The following GABRB2 variants were observed in gnomAD, a reference collection of about 807,000 sequenced individuals.
GABRB2 encodes gamma-aminobutyric acid receptor subunit beta-2.
In GABRB2, 16 loss-of-function variants were observed where a neutral mutation model predicts 54.7. The observed-to-expected ratio is 0.29, with a 90% CI of 0.20 to 0.44. The LOEUF (loss-of-function observed/expected upper bound fraction) is 0.44, where lower values mean the gene tolerates loss of function less well. Among genes scored for constraint, GABRB2 ranks in the 20% least tolerant of loss-of-function variants. The probability of loss-of-function intolerance (pLI) is 1.00; values close to 1 mark genes in which losing one functional copy is unlikely to be tolerated. For synonymous variants in GABRB2, 244 were observed against 233.8 expected (o/e 1.04, Z -0.40); for missense variants, 355 against 644.0 (o/e 0.55, Z 4.86).
intron 5 of GABRB2, among the ~76,000 whole-genome samples, chr5:161,384,021 G>T: frequency 6.6e-6 from 1 of 152,138 alleles, no homozygotes; most frequent in East Asian, 1.9e-4. Context: ...CCAAAGTGCT[G>T]GGATTACAGG....
At chr5:161,459,444 G>A (rs1224001364) in intron 4 of GABRB2, 180 bp downstream of exon 4, 23 of 617,854 alleles carry the variant, frequency 3.7e-5, no homozygotes, top group South Asian at 2.2e-4. Flanking sequence ...TCTTAGCTGA[G>A]GTTAAGTTCC....
chr5:161,359,440 G>GACACACACACAC (rs57251440), intron 5 of GABRB2, among the ~76,000 whole-genome samples: 1,872 of 147,780 alleles, frequency 0.013, 25 homozygotes, highest in African/African-American at 0.038. Context: ...AATTGCATCT[G>GACACACACACAC]ACACACACAC....
At chr5:161,408,713 G>T (rs1580960567) in intron 5 of GABRB2, among the ~76,000 whole-genome samples, 1 of 151,902 alleles carries the variant, frequency 6.6e-6, no homozygotes, top group East Asian at 1.9e-4. Context: ...AAAGAAGGGA[G>T]GGAAAAACAG....
At chr5:161,322,506 G>T (rs887527606) in intron 9 of GABRB2, among the ~76,000 whole-genome samples, 1 of 152,166 alleles carries the variant, frequency 6.6e-6, no homozygotes, top group Admixed American at 6.5e-5. Flanking sequence ...AAAGTGCTGG[G>T]ATCACAAGTG....
intron 3 of GABRB2, among the ~76,000 whole-genome samples, chr5:161,515,573 T>A (rs1759916482): frequency 6.6e-6 from 1 of 152,158 alleles, no homozygotes; most frequent in African/African-American, 2.4e-5. Context: ...TGGATTTAAT[T>A]TCCTTTAAAC....
intron 5 of GABRB2, among the ~76,000 whole-genome samples, chr5:161,396,941 AG>A (rs1480805758): frequency 6.6e-6 from 1 of 152,192 alleles, no homozygotes; most frequent in African/African-American, 2.4e-5. Context: ...TACCTGTCCA[AG>A]GGGCTGCCAT....
intron 4 of GABRB2, among the ~76,000 whole-genome samples, chr5:161,453,226 C>T (rs974184296): frequency 6.6e-6 from 1 of 152,312 alleles, no homozygotes; most frequent in East Asian, 1.9e-4. Context: ...CTAGCCATAT[C>T]TCTTGATGGA....
intron 9 of GABRB2, among the ~76,000 whole-genome samples, chr5:161,304,331 T>C (rs1757620047): frequency 6.6e-6 from 1 of 152,382 alleles, no homozygotes; most frequent in Non-Finnish European, 1.5e-5. Flanking sequence ...TTCCATTTAA[T>C]ATAGAATTAC....
At chr5:161,317,052 G>T (rs1758060951) in intron 9 of GABRB2, among the ~76,000 whole-genome samples, 1 of 152,108 alleles carries the variant, frequency 6.6e-6, no homozygotes. Context: ...GTTTGCATGT[G>T]TGTGGCAGGT....
At chr5:161,509,814 C>G (rs1759711749) in intron 3 of GABRB2, among the ~76,000 whole-genome samples, 1 of 151,972 alleles carries the variant, frequency 6.6e-6, no homozygotes, top group Admixed American at 6.6e-5. Flanking sequence ...GGAAAGGCCA[C>G]TATCATCTCT....
At chr5:161,392,156 G>C (rs1452774995) in intron 5 of GABRB2, among the ~76,000 whole-genome samples, 1 of 152,110 alleles carries the variant, frequency 6.6e-6, no homozygotes, top group Admixed American at 6.5e-5. Flanking sequence ...CATGGCCTCT[G>C]TGTTCCAGGC....
intron 5 of GABRB2, among the ~76,000 whole-genome samples, chr5:161,390,035 G>C (rs1436902601): frequency 6.6e-6 from 1 of 151,970 alleles, no homozygotes; most frequent in South Asian, 2.1e-4. Context: ...TGTATAATTA[G>C]GCAACATATA....
intron 5 of GABRB2, among the ~76,000 whole-genome samples, chr5:161,359,834 G>C (rs1754750204): frequency 6.6e-6 from 1 of 152,122 alleles, no homozygotes; most frequent in Non-Finnish European, 1.5e-5. Context: ...TGTAATCCCA[G>C]CACTTTGGGA....
intron 3 of GABRB2, among the ~76,000 whole-genome samples, chr5:161,497,422 T>C (rs1208007730): frequency 3.3e-5 from 5 of 152,042 alleles, no homozygotes; most frequent in Non-Finnish European, 5.9e-5. Context: ...TTCTATCTCA[T>C]AGCTGGAAAC....
At chr5:161,468,175 A>C (rs564010425) in intron 3 of GABRB2, among the ~76,000 whole-genome samples, 1 of 152,190 alleles carries the variant, frequency 6.6e-6, no homozygotes, top group African/African-American at 2.4e-5. Flanking sequence ...GTGTAGCAGA[A>C]ATGTAAAGCA....
chr5:161,364,162 G>A (rs1047162913), intron 5 of GABRB2, among the ~76,000 whole-genome samples: 6 of 151,896 alleles, frequency 4.0e-5, no homozygotes, highest in Admixed American at 3.9e-4. Context: ...ATACTGAATG[G>A]CAGATACACA....
chr5:161,542,977 C>A (rs1014073999), intron 3 of GABRB2, among the ~76,000 whole-genome samples: 12 of 152,208 alleles, frequency 7.9e-5, no homozygotes, highest in Admixed American at 1.3e-4. Context: ...AAAAAAATTT[C>A]TTTGAAGATA....
intron 3 of GABRB2, among the ~76,000 whole-genome samples, chr5:161,500,757 C>A (rs375312553): frequency 6.6e-6 from 1 of 152,102 alleles, no homozygotes; most frequent in East Asian, 1.9e-4. Context: ...TGTTTCCAAA[C>A]ATAACAGGCA....
At chr5:161,477,111 A>G (rs1053735646) in intron 3 of GABRB2, among the ~76,000 whole-genome samples, 2 of 151,902 alleles carry the variant, frequency 1.3e-5, no homozygotes, top group African/African-American at 4.8e-5. Flanking sequence ...TGATTAAAAA[A>G]TTGGCTGAAG....
Sources: allele counts gnomAD v4.1 joint callset (sites outside exome capture counted in the v4.1 genomes callset), GRCh38; gene constraint gnomAD v4.1.1; transcripts MANE v1.5; gene names NCBI Gene and HGNC (gene_info 2026-07-23, HGNC 2026-07-21).